The following LMBRD1 variants were observed in gnomAD, a reference collection of about 807,000 sequenced individuals.
The protein encoded by LMBRD1 is lysosomal cobalamin transport escort protein LMBD1.
Under a neutral mutation model 74.8 loss-of-function variants are expected in LMBRD1, and 64 were observed. The observed-to-expected ratio is 0.86, with a 90% CI of 0.70 to 1.05. The LOEUF (loss-of-function observed/expected upper bound fraction) is 1.05. Among genes scored for constraint, LMBRD1 ranks in the 50% least tolerant of loss-of-function variants. The pLI, the probability that LMBRD1 is intolerant of heterozygous loss-of-function variation, is 0.00. For synonymous variants in LMBRD1, 204 were observed against 216.3 expected, an observed-to-expected ratio of 0.94 and a Z score of 0.50; for missense variants, 652 against 645.9, an observed-to-expected ratio of 1.01 and a Z score of -0.10.
At chr6:69,722,689 C>T (rs965379188) in intron 7 of LMBRD1, among the ~76,000 whole-genome samples, 15 of 151,858 alleles carry the variant, frequency 9.9e-5, no homozygotes, top group African/African-American at 2.7e-4. Context: ...TAACATACAA[C>T]GAATACTTAA....
chr6:69,749,550 A>G lies in LMBRD1; in HGVS notation c.406-142T>C, dbSNP rs1010545135. On this transcript the variant is annotated intron_variant, in intron 4 of 15. Transcript: ENST00000649934. ...ACTAAGGTTGAAAAACAACCTTAAA[A>G]TTTAAAGAAAACAGGTATACTACAT... 8 of 691,442 alleles carry G rather than the reference A, an allele frequency of 1.2e-5. No individual in the cohort carries two copies. In the Admixed American group the frequency reaches 1.6e-4, roughly 14 times the overall value. The allele number at this position is 691,442 out of a possible 1,614,324, so 42.8% of individuals were successfully genotyped here. A position where few individuals can be genotyped will look rare whatever the true frequency, so the allele number is the denominator to read the frequency against.
chr6:69,691,114 A>T (rs1490370205), intron 14 of LMBRD1, among the ~76,000 whole-genome samples: 1 of 143,652 alleles, frequency 7.0e-6, no homozygotes. Flanking sequence ...AACCATTTCC[A>T]TTATATTTAA....
intron 14 of LMBRD1, among the ~76,000 whole-genome samples, chr6:69,678,738 AGC>A (rs1164163707): frequency 6.6e-6 from 1 of 152,114 alleles, no homozygotes; most frequent in Non-Finnish European, 1.5e-5. Flanking sequence ...CTCTCTTCTC[AGC>A]TTCAATAAGT....
chr6:69,794,316 GT>G (rs1766162835), intron 1 of LMBRD1, among the ~76,000 whole-genome samples: 1 of 152,114 alleles, frequency 6.6e-6, no homozygotes, highest in Non-Finnish European at 1.5e-5. Context: ...AATTAAGACT[GT>G]GCTTCACAAA....
chr6:69,772,057 T>C (rs1024528385), intron 3 of LMBRD1, among the ~76,000 whole-genome samples: 1 of 152,222 alleles, frequency 6.6e-6, no homozygotes, highest in African/African-American at 2.4e-5. Flanking sequence ...AAAAACCTAC[T>C]GTATGACAGA....
intron 5 of LMBRD1, among the ~76,000 whole-genome samples, chr6:69,743,803 G>T (rs1244883741): frequency 6.6e-6 from 1 of 152,150 alleles, no homozygotes; most frequent in Non-Finnish European, 1.5e-5. Context: ...AATTCTGCAG[G>T]ACACTGATGA....
intron 3 of LMBRD1, among the ~76,000 whole-genome samples, chr6:69,773,360 G>A (rs1765614240): frequency 6.6e-6 from 1 of 152,078 alleles, no homozygotes; most frequent in African/African-American, 2.4e-5. Context: ...ATAAATTTCT[G>A]TTCCTTACAA....
chr6:69,741,491 T>A (rs1380959225), intron 6 of LMBRD1, among the ~76,000 whole-genome samples: 1 of 152,042 alleles, frequency 6.6e-6, no homozygotes, highest in Non-Finnish European at 1.5e-5. Context: ...GTTCAACCGA[T>A]TCTCCTGCCT....
At chr6:69,768,169 C>T (rs866124699) in intron 3 of LMBRD1, among the ~76,000 whole-genome samples, 6 of 151,970 alleles carry the variant, frequency 3.9e-5, no homozygotes, top group Middle Eastern at 3.4e-3. Context: ...ATTTAGACTA[C>T]TTACACATAA....
intron 9 of LMBRD1, among the ~76,000 whole-genome samples, chr6:69,712,102 T>C (rs1766395475): frequency 1.3e-5 from 2 of 152,154 alleles, no homozygotes; most frequent in African/African-American, 4.8e-5. Flanking sequence ...TCTGCCTAAC[T>C]TCAAGTTAGT....
At chr6:69,763,896 G>A (rs1765424999) in intron 3 of LMBRD1, among the ~76,000 whole-genome samples, 1 of 152,082 alleles carries the variant, frequency 6.6e-6, no homozygotes, top group African/African-American at 2.4e-5. Context: ...TACCTGTACT[G>A]CCATTATATT....
chr6:69,680,092 G>A (rs935663214), intron 14 of LMBRD1, among the ~76,000 whole-genome samples: 1 of 152,046 alleles, frequency 6.6e-6, no homozygotes, highest in African/African-American at 2.4e-5. Context: ...ATTCAAATTT[G>A]TATAATCAGT....
Position 69,713,691 on chromosome 6 carries a change from T to C in LMBRD1, c.869A>G (p.Glu290Gly), listed in dbSNP as rs151101962. 16 of 1,613,608 alleles carry C rather than the reference T, an allele frequency of 9.9e-6. No homozygotes were observed. The highest frequency in any genetic ancestry group is 2.7e-5 in the African/African-American group (2 of 74,910). The change falls in exon 9 of 16, where the codon GAA becomes GGA. Residue 290 changes from glutamate to glycine, a missense_variant. This residue lies in a region of LMBRD1 where 598 missense variants were observed against 581.8 expected (regional missense o/e 1.03). Transcript: ENST00000649934. The stretch of plus-strand genomic sequence containing the variant: ...ACAAAATTTTGTCCACCAGCTGTTT[T>C]CAATGAATTCTAAATGCCTCTCTCT... ...KKRERHLEFI[E>G]NSWWTKFCGA... is the part of the protein sequence containing the mutation.
chr6:69,766,690 A>G (rs1349907068), intron 3 of LMBRD1, among the ~76,000 whole-genome samples: 1 of 151,732 alleles, frequency 6.6e-6, no homozygotes, highest in Non-Finnish European at 1.5e-5. Flanking sequence ...TTCATCCTCT[A>G]TTTCCTAAAA....
chr6:69,771,714 T>A (rs983318024), intron 3 of LMBRD1, among the ~76,000 whole-genome samples: 1 of 152,166 alleles, frequency 6.6e-6, no homozygotes, highest in Non-Finnish European at 1.5e-5. Context: ...CTGAATTACA[T>A]GGGAAGCTAC....
At position 69,796,926 on chromosome 6, in the gene LMBRD1, A is replaced by C. The variant is rs1766249603; in HGVS notation, c.-45T>G. 12 of 1,351,140 alleles carry C rather than the reference A, an allele frequency of 8.9e-6. No individual in the cohort carries two copies. The East Asian group carries it at 2.7e-4, about 31-fold the overall frequency. 83.7% of individuals were successfully genotyped at this position (1,351,140 alleles called of 1,614,324 possible). ...CAACCTGAGCGCCCGGGGTGGGGAA[A>C]GGGGAGGGGGAAAGGGGAGAGAGCG... On this transcript the variant is annotated 5_prime_UTR_variant, in exon 1 of 16. Coordinates refer to ENST00000649934, the MANE Select transcript of LMBRD1 (RefSeq NM_018368.4).
intron 3 of LMBRD1, among the ~76,000 whole-genome samples, chr6:69,756,023 C>A (rs1765259678): frequency 6.6e-6 from 1 of 152,070 alleles, no homozygotes. Flanking sequence ...AAAAAGACAA[C>A]TTTTTTAAAA....
At chr6:69,729,208 C>T (rs1766799506) in intron 7 of LMBRD1, among the ~76,000 whole-genome samples, 1 of 145,526 alleles carries the variant, frequency 6.9e-6, no homozygotes, top group Non-Finnish European at 1.5e-5. Flanking sequence ...GTGCCCTCAT[C>T]TAGAATGCCC....
At chr6:69,793,480 C>T (rs547536073) in intron 1 of LMBRD1, among the ~76,000 whole-genome samples, 1 of 152,214 alleles carries the variant, frequency 6.6e-6, no homozygotes, top group Admixed American at 6.5e-5. Context: ...AATAAATTTG[C>T]TTTACAAAAA....
Sources: allele counts gnomAD v4.1 joint callset (sites outside exome capture counted in the v4.1 genomes callset), GRCh38; gene constraint gnomAD v4.1.1; regional missense constraint gnomAD v4.1.1; transcripts MANE v1.5; gene names NCBI Gene and HGNC (gene_info 2026-07-23, HGNC 2026-07-21).